The following DNAH7 variants were observed in gnomAD, a reference collection of about 807,000 sequenced individuals.
DNAH7 encodes the protein axonemal beta dynein heavy chain 7.
A neutral mutation model predicts 444.6 loss-of-function variants in DNAH7; 397 were observed. That is an observed-to-expected ratio of 0.89 (90% confidence interval 0.82 to 0.97). The LOEUF (loss-of-function observed/expected upper bound fraction) is 0.97, where lower values mean the gene tolerates loss of function less well. Among genes scored for constraint, DNAH7 ranks in the 50% least tolerant of loss-of-function variants. The probability of loss-of-function intolerance (pLI) is 0.00; values close to 1 mark genes in which losing one functional copy is unlikely to be tolerated. For synonymous variants in DNAH7, 1,636 were observed against 1,624.4 expected (o/e 1.01, Z -0.17); for missense variants, 4,902 against 4,800.8 (o/e 1.02, Z -0.62).
In DNAH7 at chr2:196,001,870, A is replaced by C. The variant is rs370426816; in HGVS notation, c.990-12T>G. On this transcript the variant is annotated splice_polypyrimidine_tract_variant and intron_variant, in intron 10 of 64. Coordinates refer to ENST00000312428, the MANE Select transcript of DNAH7 (RefSeq NM_018897.3). ...CTTCTGGAAACCACCTTGAAAGAAC[A>C]AAAGACTTTTAAAAGTCAGTGCTTT... is the stretch of plus-strand genomic sequence containing the variant. 6.9e-6 allele frequency: 11 copies of C among 1,589,982 alleles called. No homozygotes were observed. Among genetic ancestry groups the C allele is most frequent in the Non-Finnish European group, 9.4e-6 (11 of 1,170,282 alleles).
At chr2:195,833,746 G>A (rs1391403473) in intron 48 of DNAH7, among the ~76,000 whole-genome samples, 1 of 151,906 alleles carries the variant, frequency 6.6e-6, no homozygotes, top group Non-Finnish European at 1.5e-5. Context: ...TCTCCTCTCT[G>A]CCACTTCTTT....
At chr2:195,962,420 G>A (rs543815523) in intron 17 of DNAH7, among the ~76,000 whole-genome samples, 21 of 152,156 alleles carry the variant, frequency 1.4e-4, no homozygotes, top group Admixed American at 9.8e-4. Context: ...GCAAGATCTC[G>A]GCTCACGCAG....
Position 195,960,850 on chromosome 2 carries a change from A to G in DNAH7, c.2301T>C (p.Leu767=), listed in dbSNP as rs954173486. 5.0e-6 allele frequency: 8 copies of G among 1,614,170 alleles called. No individual in the cohort carries two copies. In the Admixed American group the frequency reaches 6.7e-5, roughly 13 times the overall value. ...KKIQDGLNPY[L]RLYETAVEFS... ...ATTCGACAGCAGTTTCATAAAGACG[A>G]AGATAAGGGTTCAAGCCATCTTGGA... Residue 767 remains leucine, a synonymous_variant, in exon 18 of 65, where the codon CTT becomes CTC. Coordinates refer to ENST00000312428, the MANE Select transcript of DNAH7 (RefSeq NM_018897.3).
At chr2:196,052,517 T>C (rs1697539127) in intron 2 of DNAH7, among the ~76,000 whole-genome samples, 1 of 152,266 alleles carries the variant, frequency 6.6e-6, no homozygotes. Flanking sequence ...TTGATTACCA[T>C]ATGTGTTCCA....
chr2:195,974,542 T>C (rs1264472261), intron 15 of DNAH7, among the ~76,000 whole-genome samples: 1 of 152,128 alleles, frequency 6.6e-6, no homozygotes, highest in Non-Finnish European at 1.5e-5. Context: ...CCTAAATATT[T>C]CCAGTAATAG....
intron 57 of DNAH7, 107 bp downstream of exon 57, chr2:195,794,226 TGCAGG>T: frequency 1.1e-6 from 1 of 890,226 alleles, no homozygotes; most frequent in Admixed American, 2.0e-5. Context: ...TGCACTGCGG[TGCAGG>T]AGGCCTATTT....
intron 48 of DNAH7, among the ~76,000 whole-genome samples, chr2:195,825,946 C>T (rs974630597): frequency 6.6e-6 from 1 of 152,228 alleles, no homozygotes; most frequent in Admixed American, 6.5e-5. Flanking sequence ...CAGCCAACAG[C>T]CTGTCAGATT....
At position 195,959,547 on chromosome 2, in the gene DNAH7, G is replaced by A. The variant is rs76117646; in HGVS notation, c.2891+713C>T. Among the ~76,000 whole-genome samples, 10 of 152,244 alleles carry A rather than the reference G, an allele frequency of 6.6e-5. No individual in the cohort carries two copies. In the East Asian group the frequency reaches 1.5e-3, roughly 23 times the overall value. On this transcript the variant is annotated intron_variant, in intron 18 of 64. Coordinates refer to ENST00000312428, the MANE Select transcript of DNAH7 (RefSeq NM_018897.3). Reference sequence around the variant, plus strand: ...CCAATCAGAACATGCCCAAGTGTACGATAACACCTAAGTCACCAGAGGCAG... The same window carrying A: ...CCAATCAGAACATGCCCAAGTGTACAATAACACCTAAGTCACCAGAGGCAG...
chr2:196,006,906 T>C (rs1270540864), intron 10 of DNAH7, among the ~76,000 whole-genome samples: 2 of 152,044 alleles, frequency 1.3e-5, no homozygotes, highest in Non-Finnish European at 2.9e-5. Context: ...ACAAAAAATG[T>C]AATACACATA....
At chr2:195,942,098 A>C (rs1689489001) in intron 19 of DNAH7, among the ~76,000 whole-genome samples, 1 of 152,112 alleles carries the variant, frequency 6.6e-6, no homozygotes, top group South Asian at 2.1e-4. Flanking sequence ...ATATTGATAA[A>C]TTATATAGTA....
chr2:195,812,766 T>A (rs1697031133), intron 51 of DNAH7, among the ~76,000 whole-genome samples: 1 of 152,202 alleles, frequency 6.6e-6, no homozygotes, highest in Non-Finnish European at 1.5e-5. Context: ...GTGTTAATAG[T>A]CACATGTTTT....
At chr2:196,034,316 C>T (rs988543719) in intron 5 of DNAH7, among the ~76,000 whole-genome samples, 2 of 151,996 alleles carry the variant, frequency 1.3e-5, no homozygotes, top group African/African-American at 4.8e-5. Context: ...AATGGGATTA[C>T]ATTTTTAAAA....
Position 195,934,024 on chromosome 2 carries a change from A to G in DNAH7, c.3471+567T>C, listed in dbSNP as rs576269937. On this transcript the variant is annotated intron_variant, in intron 21 of 64. Coordinates refer to ENST00000312428, the MANE Select transcript of DNAH7 (RefSeq NM_018897.3). ...GCTAAGCTCACACTACAGTAAAAAA[A>G]AAAACTGAGTGCTCAATCTTTATTT... is the stretch of plus-strand genomic sequence containing the variant. Among the ~76,000 whole-genome samples, 228 of 152,288 alleles carry G rather than the reference A, an allele frequency of 1.5e-3. 1 individual carries two copies. Among genetic ancestry groups the G allele is most frequent in the African/African-American group, 5.0e-3 (208 of 41,566 alleles).
At chr2:195,951,126 T>C (rs1425788713) in intron 19 of DNAH7, among the ~76,000 whole-genome samples, 1 of 152,146 alleles carries the variant, frequency 6.6e-6, no homozygotes, top group African/African-American at 2.4e-5. Context: ...TCCCAGAGAT[T>C]CTGGTATGTT....
intron 35 of DNAH7, among the ~76,000 whole-genome samples, chr2:195,883,456 C>A (rs559837636): frequency 7.4e-5 from 11 of 148,696 alleles, no homozygotes; most frequent in Non-Finnish European, 1.2e-4. Flanking sequence ...CCCGCTCCCC[C>A]CCCCCAAAAA....
intron 27 of DNAH7, chr2:195,905,797 T>C (rs1242461807): frequency 6.6e-6 from 1 of 152,108 alleles, no homozygotes; most frequent in African/African-American, 2.4e-5. Context: ...ATTAAAAAAT[T>C]AATGCTGGGT....
intron 63 of DNAH7, among the ~76,000 whole-genome samples, chr2:195,748,564 C>A (rs1693575538): frequency 6.6e-6 from 1 of 152,214 alleles, no homozygotes; most frequent in Non-Finnish European, 1.5e-5. Flanking sequence ...CTGGAGGCAT[C>A]ACACTACCTG....
At chr2:195,745,236 A>G (rs901014962) in intron 63 of DNAH7, among the ~76,000 whole-genome samples, 9 of 152,248 alleles carry the variant, frequency 5.9e-5, no homozygotes, top group African/African-American at 2.2e-4. Flanking sequence ...GATGCGATCA[A>G]CTGGAAGAAA....
chr2:195,934,636 C>G lies in DNAH7; in HGVS notation c.3426G>C (p.Lys1142Asn). 1 of 1,614,118 alleles carries G rather than the reference C, an allele frequency of 6.2e-7. No homozygotes were observed. The highest frequency in any genetic ancestry group is 1.3e-5 in the African/African-American group (1 of 75,058). The change falls in exon 21 of 65, where the codon AAG becomes AAC. Residue 1142 changes from lysine to asparagine, a missense_variant. Lys to Asn is a moderately conservative substitution (Grantham distance 94). Transcript: ENST00000312428. ...STAKARGQVE[K>N]WLVELERVMI... ...TAACTCTCTCTAATTCAACCAACCACTTCTCCACTTGACCTCTGGCTTTGG... is the reference window on the plus strand; with the variant it reads ...TAACTCTCTCTAATTCAACCAACCAGTTCTCCACTTGACCTCTGGCTTTGG...
Sources: gnomAD v4.1 joint callset for allele counts (sites outside exome capture counted in the v4.1 genomes callset) on GRCh38, gnomAD v4.1.1 for gene constraint, MANE v1.5 for transcripts, NCBI Gene and HGNC (gene_info 2026-07-23, HGNC 2026-07-21) for gene names.